Variants in SEMA6D observed in about 807,000 individuals in gnomAD.
SEMA6D encodes semaphorin 6D.
SEMA6D carries 35 observed loss-of-function variants against 106.6 expected under a neutral mutation model. That is an observed-to-expected ratio of 0.33 (90% CI 0.25 to 0.44). SEMA6D has a LOEUF of 0.44. Ranked by LOEUF, SEMA6D falls within the 20% of genes least tolerant of loss-of-function variation. SEMA6D has a pLI of 1.00. For synonymous variants in SEMA6D, 499 were observed against 487.7 expected, an observed-to-expected ratio of 1.02 and a Z score of -0.31; for missense variants, 1,185 against 1,345.9, an observed-to-expected ratio of 0.88 and a Z score of 1.87.
At chr15:47,423,073 G>A (rs1206850447) in intron 2 of SEMA6D, among the ~76,000 whole-genome samples, 2 of 152,060 alleles carry the variant, frequency 1.3e-5, no homozygotes, top group African/African-American at 4.8e-5. Flanking sequence ...AGAGTTATAA[G>A]CAGAGTTCCT....
intron 1 of SEMA6D, among the ~76,000 whole-genome samples, chr15:47,735,398 A>T (rs2080386923): frequency 6.6e-6 from 1 of 152,216 alleles, no homozygotes; most frequent in Non-Finnish European, 1.5e-5. Context: ...TCAGTGTGGG[A>T]ACCAAGATCT....
chr15:47,673,294 A>T (rs2078173469), intron 4 of SEMA6D, among the ~76,000 whole-genome samples: 1 of 152,378 alleles, frequency 6.6e-6, no homozygotes, highest in Non-Finnish European at 1.5e-5. Flanking sequence ...TCAGGCATAT[A>T]TAATTATACA....
At chr15:47,228,697 G>GT (rs1402915067) in intron 1 of SEMA6D, among the ~76,000 whole-genome samples, 2 of 151,910 alleles carry the variant, frequency 1.3e-5, no homozygotes, top group African/African-American at 4.8e-5. Context: ...GACAAGTGGA[G>GT]TTTTTTTAAG....
At chr15:47,662,759 G>C (rs1019081998) in intron 4 of SEMA6D, among the ~76,000 whole-genome samples, 4 of 151,960 alleles carry the variant, frequency 2.6e-5, no homozygotes, top group African/African-American at 9.7e-5. Flanking sequence ...ACAAAAGACT[G>C]TTTTAAGCAG....
At chr15:47,559,374 G>A (rs2046011611) in intron 3 of SEMA6D, among the ~76,000 whole-genome samples, 1 of 152,068 alleles carries the variant, frequency 6.6e-6, no homozygotes, top group Admixed American at 6.6e-5. Context: ...ATTTATTCAT[G>A]AAAAATACTG....
chr15:47,474,116 T>C (rs1290577284), intron 3 of SEMA6D, among the ~76,000 whole-genome samples: 5 of 152,156 alleles, frequency 3.3e-5, no homozygotes, highest in African/African-American at 1.2e-4. Context: ...CTTTGGCTCA[T>C]GAAGCTGAAT....
chr15:47,193,133 T>C (rs1055443646), intron 1 of SEMA6D, among the ~76,000 whole-genome samples: 9 of 152,152 alleles, frequency 5.9e-5, no homozygotes, highest in Non-Finnish European at 1.0e-4. Flanking sequence ...ACCCCATGGA[T>C]GGGCTGCCTG....
intron 1 of SEMA6D, among the ~76,000 whole-genome samples, chr15:47,749,077 T>C (rs1386702094): frequency 3.6e-5 from 4 of 111,928 alleles, no homozygotes; most frequent in African/African-American, 1.5e-4. Context: ...AATCTTTTTT[T>C]TTCTTTTTTT....
intron 1 of SEMA6D, among the ~76,000 whole-genome samples, chr15:47,758,034 T>G (rs2081855425): frequency 6.6e-6 from 1 of 152,210 alleles, no homozygotes. Flanking sequence ...GACTCCAAAG[T>G]CCATACTCTT....
At chr15:47,385,284 C>T (rs1157360736) in intron 1 of SEMA6D, among the ~76,000 whole-genome samples, 1 of 152,050 alleles carries the variant, frequency 6.6e-6, no homozygotes, top group East Asian at 1.9e-4. Flanking sequence ...GACCTGGTTT[C>T]CATTTACAAT....
chr15:47,514,844 G>A (rs150573737), intron 3 of SEMA6D, among the ~76,000 whole-genome samples: 47 of 152,234 alleles, frequency 3.1e-4, no homozygotes, highest in African/African-American at 1.1e-3. Context: ...TATGTTCCAT[G>A]GAGCAGCAGC....
intron 1 of SEMA6D, chr15:47,274,259 A>AC (rs1191263672): frequency 1.3e-5 from 2 of 152,016 alleles, no homozygotes; most frequent in African/African-American, 4.8e-5. Context: ...TTCCATCCTC[A>AC]CCCCCCTACT....
intron 4 of SEMA6D, among the ~76,000 whole-genome samples, chr15:47,674,167 T>C (rs2078195954): frequency 1.3e-5 from 2 of 152,148 alleles, no homozygotes; most frequent in South Asian, 4.1e-4. Flanking sequence ...CCAATTAAAA[T>C]GAAATAGGGA....
intron 1 of SEMA6D, among the ~76,000 whole-genome samples, chr15:47,273,608 C>T (rs1479821218): frequency 6.6e-6 from 1 of 152,124 alleles, no homozygotes; most frequent in Non-Finnish European, 1.5e-5. Flanking sequence ...ATGTTAGTCC[C>T]CACATCAAAT....
At chr15:47,388,060 A>T (rs1207784661) in intron 1 of SEMA6D, among the ~76,000 whole-genome samples, 1 of 152,028 alleles carries the variant, frequency 6.6e-6, no homozygotes, top group Non-Finnish European at 1.5e-5. Context: ...CTCCCTGGGG[A>T]TAGGTAGGAA....
chr15:47,674,651 C>A (rs375014323), intron 4 of SEMA6D, among the ~76,000 whole-genome samples: 1 of 152,042 alleles, frequency 6.6e-6, no homozygotes, highest in Non-Finnish European at 1.5e-5. Context: ...CCTTTTAAAC[C>A]GAAAGGCTAA....
At chr15:47,559,182 T>G (rs1428524098) in intron 3 of SEMA6D, among the ~76,000 whole-genome samples, 1 of 152,018 alleles carries the variant, frequency 6.6e-6, no homozygotes, top group East Asian at 1.9e-4. Flanking sequence ...TGCCCAATGC[T>G]GAGGAAATCA....
Position 47,746,932 on chromosome 15 carries a change from G to A in SEMA6D, c.-54-12813G>A, listed in dbSNP as rs557571568. Among the ~76,000 whole-genome samples, 7 of 149,892 alleles carry A rather than the reference G, an allele frequency of 4.7e-5. No homozygotes were observed. In the South Asian group the frequency reaches 1.5e-3, roughly 32 times the overall value. On this transcript the variant is annotated intron_variant, in intron 1 of 18. Transcript: ENST00000536845. ...AACCCTTCGGTTCCCCTGAAAAAAG[G>A]AGACACGATTGTTCATTTCTGCCAC...
intron 2 of SEMA6D, among the ~76,000 whole-genome samples, chr15:47,447,205 T>C (rs971379708): frequency 2.0e-5 from 3 of 152,138 alleles, no homozygotes; most frequent in Non-Finnish European, 4.4e-5. Flanking sequence ...TCAGAGAAAC[T>C]GAGTATGATA....
Sources: gnomAD v4.1 joint callset for allele counts (sites outside exome capture counted in the v4.1 genomes callset) on GRCh38, gnomAD v4.1.1 for gene constraint, MANE v1.5 for transcripts, NCBI Gene and HGNC (gene_info 2026-07-23, HGNC 2026-07-21) for gene names.